ATG4B: variants seen among roughly 807,000 people sequenced by gnomAD.
ATG4B encodes the protein cysteine protease ATG4B.
Under a neutral mutation model 56.6 loss-of-function variants are expected in ATG4B, and 29 were observed. The observed-to-expected ratio is 0.51, with a 90% confidence interval of 0.38 to 0.70. The LOEUF (loss-of-function observed/expected upper bound fraction) is 0.70, where lower values mean the gene tolerates loss of function less well. Among genes scored for constraint, ATG4B ranks in the 30% least tolerant of loss-of-function variants. ATG4B has a pLI of 0.00. For synonymous variants in ATG4B, 224 were observed against 206.1 expected (o/e 1.09, Z -0.74); for missense variants, 461 against 515.5 (o/e 0.89, Z 1.02).
chr2:241,651,450 C>T lies in ATG4B; in HGVS notation c.184+115C>T. On this transcript the variant is annotated intron_variant, in intron 3 of 12. Transcript: ENST00000404914. The surrounding 1 kb of genome is among the most constrained non-coding windows in gnomAD (Gnocchi z 4.1). ...ACTGACTTCATTTGAATCTTCACAGCAATCCTGCTTAACTGAATTGGCCGA... is the reference window on the plus strand; with the variant it reads ...ACTGACTTCATTTGAATCTTCACAGTAATCCTGCTTAACTGAATTGGCCGA... 2 of 838,542 alleles carry T rather than the reference C, an allele frequency of 2.4e-6. No homozygotes were observed. Among genetic ancestry groups the T allele is most frequent in the East Asian group, 5.3e-5 (2 of 37,576 alleles). 51.9% of individuals were successfully genotyped at this position (838,542 alleles called of 1,614,324 possible).
intron 3 of ATG4B, chr2:241,653,260 C>G: frequency 7.4e-7 from 1 of 1,357,150 alleles, no homozygotes; most frequent in Non-Finnish European, 1.0e-6. Context: ...GTCAGACATT[C>G]CTTTTGCTCC....
intron 5 of ATG4B, 158 bp downstream of exon 5, chr2:241,654,805 A>G (rs1235464826): frequency 3.1e-6 from 2 of 641,502 alleles, no homozygotes; most frequent in Admixed American, 2.8e-5. Flanking sequence ...CTGCTGTCAC[A>G]TCACCCCCGT....
chr2:241,647,885 G>C (rs1240896412), intron 1 of ATG4B, among the ~76,000 whole-genome samples: 1 of 151,918 alleles, frequency 6.6e-6, no homozygotes, highest in Non-Finnish European at 1.5e-5. Flanking sequence ...AGGCCGAGGT[G>C]GGTGGATCAC....
At chr2:241,663,932 CCTGAGTAG>C (rs1389835571) in intron 7 of ATG4B, among the ~76,000 whole-genome samples, 3 of 151,908 alleles carry the variant, frequency 2.0e-5, no homozygotes, top group Non-Finnish European at 4.4e-5. Context: ...GCCTCAGCCT[CCTGAGTAG>C]CTGAGACTAC....
At position 241,668,646 on chromosome 2, in the gene ATG4B, C is replaced by T. The variant is rs1328981246; in HGVS notation, c.918C>T (p.Cys306=). The change falls in exon 10 of 13, where the codon TGC becomes TGT. Residue 306 remains cysteine, a synonymous_variant. Coordinates refer to ENST00000404914, the MANE Select transcript of ATG4B (RefSeq NM_013325.5). The surrounding 1 kb of genome is among the most constrained non-coding windows in gnomAD (Gnocchi z 4.2). ...GCTTCCACTGCCAGCACCCGCCGTG[C>T]CGCATGAGCATCGCGGAGCTTGACC... The part of the protein sequence containing the change: ...DESFHCQHPP[C]RMSIAELDPS... The T allele has an allele frequency of 2.5e-6, 4 of 1,583,404 alleles. No homozygotes were observed. The highest frequency in any genetic ancestry group is 4.7e-5 in the East Asian group (2 of 42,998).
intron 1 of ATG4B, among the ~76,000 whole-genome samples, chr2:241,647,971 G>A (rs1469362042): frequency 1.3e-5 from 2 of 151,846 alleles, no homozygotes; most frequent in African/African-American, 2.4e-5. Flanking sequence ...AAAATTAGCC[G>A]GGCATGGTGG....
intron 7 of ATG4B, among the ~76,000 whole-genome samples, chr2:241,660,967 C>T (rs548848861): frequency 6.6e-6 from 1 of 152,314 alleles, no homozygotes; most frequent in African/African-American, 2.4e-5. Context: ...CCTAGAACCT[C>T]CGTCCCTCTG....
chr2:241,651,075 G>A lies in ATG4B; in HGVS notation c.76G>A (p.Val26Ile), dbSNP rs369244048. ...FEDFPETSEP[V>I]WILGRKYSIF... ...AGATTTTCCTGAGACCTCAGAGCCC[G>A]TTTGGATACTGGGTAGAAAATACAG... The change falls in exon 2 of 13, where the codon GTT (valine) becomes ATT (isoleucine). Residue 26 changes from valine (V) to isoleucine (I), a missense_variant. Val to Ile is a conservative substitution (Grantham distance 29, BLOSUM62 3). Coordinates refer to ENST00000404914, the MANE Select transcript of ATG4B (RefSeq NM_013325.5). The surrounding 1 kb of genome is among the most constrained non-coding windows in gnomAD (Gnocchi z 4.1). 2.7e-5 allele frequency: 43 copies of A among 1,613,870 alleles called. No homozygotes were observed. The East Asian group carries it at 5.1e-4, about 19-fold the overall frequency.
chr2:241,653,178 T>C, intron 3 of ATG4B: 1 of 641,546 alleles, frequency 1.6e-6, no homozygotes, highest in South Asian at 1.5e-5. Flanking sequence ...TTCTGATAAT[T>C]GGAAAATGCG....
intron 1 of ATG4B, among the ~76,000 whole-genome samples, chr2:241,646,568 T>A (rs2068065204): frequency 6.6e-6 from 1 of 152,168 alleles, no homozygotes; most frequent in Non-Finnish European, 1.5e-5. Context: ...AATTTTGATC[T>A]TTTTCTGGGC....
intron 1 of ATG4B, among the ~76,000 whole-genome samples, chr2:241,650,587 A>C (rs891046842): frequency 6.6e-6 from 1 of 152,068 alleles, no homozygotes; most frequent in Non-Finnish European, 1.5e-5. Context: ...GAGGTGGTTT[A>C]ACTTTATTTT....
At chr2:241,661,950 G>T (rs1364590097) in intron 7 of ATG4B, among the ~76,000 whole-genome samples, 1 of 152,198 alleles carries the variant, frequency 6.6e-6, no homozygotes, top group Admixed American at 6.5e-5. Context: ...TCCAATGAAA[G>T]AAAAGTAAAT....
At chr2:241,671,796 C>T (rs368286759) in intron 12 of ATG4B, 61 of 1,272,388 alleles carry the variant, frequency 4.8e-5, no homozygotes, top group Non-Finnish European at 5.2e-5. Flanking sequence ...GCCAGCGTGC[C>T]GCAGGAGCCG....
chr2:241,653,196 GT>G (rs2068274113), intron 3 of ATG4B: 1 of 748,184 alleles, frequency 1.3e-6, no homozygotes, highest in East Asian at 3.4e-5. Context: ...GCGTTGTTTT[GT>G]TTAACTTTGC....
chr2:241,667,008 G>A (rs557164953), intron 8 of ATG4B, among the ~76,000 whole-genome samples, 170 bp downstream of exon 8: 6 of 152,306 alleles, frequency 3.9e-5, no homozygotes, highest in Non-Finnish European at 5.9e-5. Context: ...CGTGAGGCAC[G>A]TCCATCAGTA....
chr2:241,666,567 GTCA>G lies in ATG4B; in HGVS notation c.539-73_539-71del, dbSNP rs765326228. 4.8e-6 allele frequency: 7 copies of G among 1,451,824 alleles called. No homozygotes were observed. In the African/African-American group the frequency reaches 8.4e-5, roughly 17 times the overall value. The allele number at this position is 1,451,824 out of a possible 1,614,324, so 89.9% of individuals were successfully genotyped here. On this transcript the variant is annotated intron_variant, in intron 7 of 12. Transcript: ENST00000404914. ...TGTACCGCCCTTTTTCTGTTACACA[GTCA>G]TCATTTGCTTGCTTGTTGTGGGAGC... is the stretch of plus-strand genomic sequence containing the variant.
chr2:241,661,464 G>A lies in ATG4B; in HGVS notation c.538+2277G>A, dbSNP rs139061815. Among the ~76,000 whole-genome samples, 409 of 152,244 alleles carry A rather than the reference G, an allele frequency of 2.7e-3. 1 individual carries two copies. Among genetic ancestry groups the A allele is most frequent in the African/African-American group, 9.4e-3 (391 of 41,560 alleles). On this transcript the variant is annotated intron_variant, in intron 7 of 12. Transcript: ENST00000404914. ...AGGAAGCAGGCTGCTTTTTTCAGTCGTGCTGCTAAGAGTGCGCAAGGGAGG... is the reference window on the plus strand; with the variant it reads ...AGGAAGCAGGCTGCTTTTTTCAGTCATGCTGCTAAGAGTGCGCAAGGGAGG...
chr2:241,650,322 A>G (rs1485036751), intron 1 of ATG4B, among the ~76,000 whole-genome samples: 1 of 152,168 alleles, frequency 6.6e-6, no homozygotes, highest in Non-Finnish European at 1.5e-5. Context: ...TTGATCTCTC[A>G]GTGTCCAGGG....
At chr2:241,672,095 C>T in intron 12 of ATG4B, 96 bp from the exon 13 acceptor site, 1 of 1,518,358 alleles carries the variant, frequency 6.6e-7, no homozygotes, top group South Asian at 1.3e-5. Context: ...GGCTGCAGAG[C>T]AGGCACTGCT....
Sources: gnomAD v4.1 joint callset for allele counts (sites outside exome capture counted in the v4.1 genomes callset) on GRCh38, gnomAD v4.1.1 for gene constraint, Gnocchi (gnomAD v3.1) non-coding constraint, MANE v1.5 for transcripts, NCBI Gene and HGNC (gene_info 2026-07-23, HGNC 2026-07-21) for gene names.